Variants in YY1 observed in about 807,000 individuals in gnomAD.
YY1 encodes the protein transcriptional repressor protein YY1.
In YY1, 2 loss-of-function variants were observed where a neutral mutation model predicts 35.6. The observed-to-expected ratio is 0.06, with a 90% confidence interval of 0.02 to 0.18. The LOEUF (loss-of-function observed/expected upper bound fraction) is 0.18, where lower values mean the gene tolerates loss of function less well. Among genes scored for constraint, YY1 ranks in the 10% least tolerant of loss-of-function variants. The probability of loss-of-function intolerance (pLI) is 1.00; values close to 1 mark genes in which losing one functional copy is unlikely to be tolerated. For missense variants in YY1, 322 were observed against 573.4 expected (o/e 0.56, Z 4.48); for synonymous variants, 268 against 238.9 (o/e 1.12, Z -1.12).
chr14:100,256,668 T>C (rs998186211), intron 1 of YY1, among the ~76,000 whole-genome samples: 14 of 152,118 alleles, frequency 9.2e-5, no homozygotes, highest in African/African-American at 3.4e-4. Context: ...GAAAGTAGAA[T>C]TGAGGTTAGC....
chr14:100,266,089 G>C (rs1891151048), intron 2 of YY1, among the ~76,000 whole-genome samples: 1 of 152,128 alleles, frequency 6.6e-6, no homozygotes, highest in Non-Finnish European at 1.5e-5. Flanking sequence ...GGAAACCCCT[G>C]ATAAACCCAT....
intron 1 of YY1, among the ~76,000 whole-genome samples, chr14:100,244,077 C>T (rs1008605947): frequency 2.0e-5 from 3 of 149,766 alleles, no homozygotes; most frequent in African/African-American, 7.4e-5. Flanking sequence ...CACTGCACTC[C>T]AGCCTGGGCG....
intron 1 of YY1, among the ~76,000 whole-genome samples, chr14:100,251,088 T>C (rs1460834080): frequency 2.0e-5 from 3 of 152,308 alleles, no homozygotes; most frequent in Non-Finnish European, 4.4e-5. Context: ...GAATAATGAC[T>C]CCCAATATAG....
At chr14:100,269,618 A>G (rs1248440250) in intron 2 of YY1, among the ~76,000 whole-genome samples, 2 of 152,206 alleles carry the variant, frequency 1.3e-5, no homozygotes. Context: ...TATTTTTGAA[A>G]AATGACTTTT....
At chr14:100,241,127 T>C (rs533464008) in intron 1 of YY1, among the ~76,000 whole-genome samples, 7 of 152,226 alleles carry the variant, frequency 4.6e-5, no homozygotes, top group Non-Finnish European at 1.0e-4. Flanking sequence ...ATCCTATTAG[T>C]ATATTCATAT....
chr14:100,244,822 G>A lies in YY1; in HGVS notation c.679+4899G>A, dbSNP rs190644308. On this transcript the variant is annotated intron_variant, in intron 1 of 4. Transcript: ENST00000262238. The stretch of plus-strand genomic sequence containing the variant: ...AGCAATCCTTCCTCAGCCTTCCAGA[G>A]TGATGGGATTATGGGTGTGAGCCAC... Among the ~76,000 whole-genome samples the A allele has an allele frequency of 2.3e-4, 35 of 152,190 alleles. 2 individuals are homozygous for A. The South Asian group carries it at 4.6e-3, about 20-fold the overall frequency.
At chr14:100,249,545 T>G (rs1411532848) in intron 1 of YY1, among the ~76,000 whole-genome samples, 1 of 152,158 alleles carries the variant, frequency 6.6e-6, no homozygotes, top group Non-Finnish European at 1.5e-5. Context: ...AGTATTGAAC[T>G]TTGAATATTG....
intron 1 of YY1, among the ~76,000 whole-genome samples, chr14:100,242,373 T>G (rs1890760615): frequency 3.2e-5 from 2 of 62,864 alleles, no homozygotes; most frequent in African/African-American, 7.3e-5. Context: ...TTTGTTTTGT[T>G]TTTTGTTTTT....
chr14:100,264,011 G>A (rs1003268937), intron 2 of YY1: 2 of 152,074 alleles, frequency 1.3e-5, no homozygotes, highest in African/African-American at 4.8e-5. Flanking sequence ...CACCATGCCT[G>A]GCTAATTTTT....
chr14:100,244,406 A>G (rs1420185700), intron 1 of YY1, among the ~76,000 whole-genome samples: 1 of 125,924 alleles, frequency 7.9e-6, no homozygotes, highest in Admixed American at 9.1e-5. Flanking sequence ...GCTCACTGCA[A>G]CCTCCACCTT....
chr14:100,242,087 G>A (rs1042391803), intron 1 of YY1, among the ~76,000 whole-genome samples: 7 of 151,868 alleles, frequency 4.6e-5, no homozygotes, highest in African/African-American at 1.7e-4. Context: ...AGATATTTAG[G>A]TAAAGATACA....
At chr14:100,271,921 G>A (rs943996720) in intron 2 of YY1, among the ~76,000 whole-genome samples, 7 of 152,088 alleles carry the variant, frequency 4.6e-5, no homozygotes, top group Admixed American at 2.0e-4. Flanking sequence ...CCTATCACAC[G>A]AGTGCATCAT....
chr14:100,274,150 G>A (rs1891286956), intron 2 of YY1, among the ~76,000 whole-genome samples: 1 of 152,074 alleles, frequency 6.6e-6, no homozygotes, highest in Non-Finnish European at 1.5e-5. Flanking sequence ...GATTTAAAAG[G>A]ACTCTTCTGT....
At chr14:100,275,711 GCTTCCCTCTCC>G (rs912762441) in intron 3 of YY1, 1 of 152,188 alleles carries the variant, frequency 6.6e-6, no homozygotes, top group African/African-American at 2.4e-5. Context: ...AAAAACTGGG[GCTTCCCTCTCC>G]CTTCTGCCTG....
rs1328930882 is a variant in YY1 at position 100,239,790 on chromosome 14, G to A, written c.546G>A (p.Lys182=). The change falls in exon 1 of 5, where the codon AAG becomes AAA. Residue 182 remains lysine (K), a synonymous_variant. Coordinates refer to ENST00000262238, the MANE Select transcript of YY1 (RefSeq NM_003403.5). Reference sequence around the variant, plus strand: ...AGGGCGGCGGCAAGAAGAGCGGCAAGAAGAGTTACCTCAGCGGCGGGGCCG... The same window carrying A: ...AGGGCGGCGGCAAGAAGAGCGGCAAAAAGAGTTACCTCAGCGGCGGGGCCG... The part of the protein sequence containing the change: ...VKKGGGKKSG[K]KSYLSGGAGA... 2 of 1,550,638 alleles carry A rather than the reference G, an allele frequency of 1.3e-6. No homozygotes were observed. The highest frequency in any genetic ancestry group is 1.4e-5 in the African/African-American group (1 of 72,110).
chr14:100,254,049 T>C (rs1053971649), intron 1 of YY1, among the ~76,000 whole-genome samples: 12 of 151,608 alleles, frequency 7.9e-5, no homozygotes. Context: ...TTGGCCAGGC[T>C]GGTCTCGAAC....
chr14:100,276,394 GGTTTT>G lies in YY1; in HGVS notation c.904-90_904-86del. ...AATTAAAATGGGGGGTTGGGGAGGT[GGTTTT>G]GTTTTAATATGTCAGTAAAGGCTGT... is the stretch of plus-strand genomic sequence containing the variant. On this transcript the variant is annotated intron_variant, in intron 3 of 4. Coordinates refer to ENST00000262238, the MANE Select transcript of YY1 (RefSeq NM_003403.5). This position sits in a 1 kb window ranked among gnomAD's most constrained non-coding sequence, Gnocchi z 4.1. The G allele has an allele frequency of 6.4e-7, 1 of 1,551,284 alleles. No homozygotes were observed. The highest frequency in any genetic ancestry group is 1.1e-5 in the South Asian group (1 of 89,174).
At position 100,278,309 on chromosome 14, in the gene YY1, T is replaced by C. The variant is rs576589490; in HGVS notation, c.*709T>C. 3 of 152,524 alleles carry C rather than the reference T, an allele frequency of 2.0e-5. No individual in the cohort carries two copies. The highest frequency in any genetic ancestry group is 2.1e-4 in the South Asian group (1 of 4,822). 9.4% of individuals were successfully genotyped at this position (152,524 alleles called of 1,614,324 possible). On this transcript the variant is annotated 3_prime_UTR_variant, in exon 5 of 5. Transcript: ENST00000262238. ...AAACCCATTTTAGTCACTTTTTTTT[T>C]CCAAAAAAATACTGCCAGATGCTGA... is the stretch of plus-strand genomic sequence containing the variant.
chr14:100,270,527 G>C (rs1031853342), intron 2 of YY1, among the ~76,000 whole-genome samples: 1 of 151,590 alleles, frequency 6.6e-6, no homozygotes, highest in Non-Finnish European at 1.5e-5. Context: ...GGAGGCTGAG[G>C]CAGGAGAATC....
Sources: allele counts gnomAD v4.1 joint callset (sites outside exome capture counted in the v4.1 genomes callset), GRCh38; gene constraint gnomAD v4.1.1; non-coding constraint Gnocchi (gnomAD v3.1); transcripts MANE v1.5; gene names NCBI Gene and HGNC (gene_info 2026-07-23, HGNC 2026-07-21).